Variants in ABHD12B observed in about 807,000 individuals in gnomAD.
The protein encoded by ABHD12B is protein ABHD12B.
Under a neutral mutation model 50.4 loss-of-function variants are expected in ABHD12B, and 42 were observed. That is an observed-to-expected ratio of 0.83 (90% CI 0.65 to 1.08). ABHD12B has a LOEUF of 1.08. Among genes scored for constraint, ABHD12B ranks in the 50% least tolerant of loss-of-function variants. ABHD12B has a pLI of 0.00. For missense variants in ABHD12B, 479 were observed against 447.7 expected, an observed-to-expected ratio of 1.07 and a Z score of -0.63; for synonymous variants, 167 against 160.3, an observed-to-expected ratio of 1.04 and a Z score of -0.32.
At chr14:50,901,287 T>C (rs753681692) in intron 9 of ABHD12B, among the ~76,000 whole-genome samples, 17 of 152,240 alleles carry the variant, frequency 1.1e-4, no homozygotes, top group Non-Finnish European at 4.4e-5. Context: ...AAACAACAAA[T>C]TTAGTATGTC....
At chr14:50,886,135 G>T (rs2050033672) in intron 7 of ABHD12B, among the ~76,000 whole-genome samples, 1 of 152,134 alleles carries the variant, frequency 6.6e-6, no homozygotes, top group Non-Finnish European at 1.5e-5. Context: ...CTTTCTGAGG[G>T]TTTTAAAGGA....
chr14:50,881,239 C>A (rs929033231), intron 4 of ABHD12B, among the ~76,000 whole-genome samples: 1 of 152,098 alleles, frequency 6.6e-6, no homozygotes, highest in African/African-American at 2.4e-5. Flanking sequence ...AAGCTTGGGG[C>A]AGGGGCGATG....
intron 3 of ABHD12B, 130 bp from the exon 4 acceptor site, chr14:50,880,322 T>A: frequency 1.0e-6 from 1 of 980,630 alleles, no homozygotes; most frequent in Non-Finnish European, 1.3e-6. Context: ...TTTTTATTTT[T>A]GCCATGTGCA....
intron 9 of ABHD12B, among the ~76,000 whole-genome samples, chr14:50,895,093 A>C (rs2050178694): frequency 6.7e-6 from 1 of 149,946 alleles, no homozygotes; most frequent in Non-Finnish European, 1.5e-5. Context: ...CTTTTTCATC[A>C]AATATAAAAA....
chr14:50,885,543 G>C, intron 5 of ABHD12B, 71 bp from the exon 6 acceptor site: 1 of 1,560,368 alleles, frequency 6.4e-7, no homozygotes, highest in Non-Finnish European at 8.8e-7. Flanking sequence ...GATATGGATG[G>C]ATATAGGGAG....
chr14:50,887,787 A>C (rs80297422), intron 8 of ABHD12B, among the ~76,000 whole-genome samples: 2,205 of 152,152 alleles, frequency 0.014, 49 homozygotes, highest in African/African-American at 0.05. Flanking sequence ...AGTTCACATT[A>C]CTCCTAGACT....
chr14:50,901,649 T>C (rs1285832847), intron 9 of ABHD12B, among the ~76,000 whole-genome samples, 180 bp from the exon 10 acceptor site: 1 of 152,242 alleles, frequency 6.6e-6, no homozygotes, highest in Non-Finnish European at 1.5e-5. Flanking sequence ...TCTACATTCC[T>C]TTCTTTTTTT....
At chr14:50,899,941 A>G (rs1466772816) in intron 9 of ABHD12B, among the ~76,000 whole-genome samples, 3 of 151,930 alleles carry the variant, frequency 2.0e-5, no homozygotes, top group Non-Finnish European at 2.9e-5. Flanking sequence ...AAAAGAAAAA[A>G]AAAATTTAAA....
intron 10 of ABHD12B, 77 bp from the exon 11 acceptor site, chr14:50,903,312 T>A: frequency 8.5e-7 from 1 of 1,174,376 alleles, no homozygotes; most frequent in Non-Finnish European, 1.2e-6. Flanking sequence ...CATGTTTTGC[T>A]AAAGCTTTAA....
At position 50,904,424 on chromosome 14, in the gene ABHD12B, A is replaced by G. The variant is rs2050305151; in HGVS notation, c.*58A>G. 23 of 1,606,190 alleles carry G rather than the reference A, an allele frequency of 1.4e-5. No individual in the cohort carries two copies. Among genetic ancestry groups the G allele is most frequent in the Non-Finnish European group, 2.0e-5 (23 of 1,174,342 alleles). ...TTGGCCCAAACACCACCTGTGATGT[A>G]TATTGTTCTAATGTAAAATTGTACT... is the stretch of plus-strand genomic sequence containing the variant. On this transcript the variant is annotated 3_prime_UTR_variant, in exon 13 of 13. Coordinates refer to ENST00000337334, the MANE Select transcript of ABHD12B (RefSeq NM_001206673.2).
At chr14:50,875,727 C>T (rs1224736026) in intron 1 of ABHD12B, among the ~76,000 whole-genome samples, 5 of 152,224 alleles carry the variant, frequency 3.3e-5, no homozygotes, top group Admixed American at 6.5e-5. Context: ...AGCTGCTTTG[C>T]ATTATTGATG....
Position 50,872,289 on chromosome 14 carries a change from C to T in ABHD12B, c.104+11C>T. ...CGACCGCAACCTGCGGTGAGTACCG[C>T]CCGGTCCACCCCTGGCCGGGCCCCG... is the stretch of plus-strand genomic sequence containing the variant. On this transcript the variant is annotated intron_variant, in intron 1 of 12. Transcript: ENST00000337334. 1.5e-6 allele frequency: 2 copies of T among 1,296,396 alleles called. No homozygotes were observed. Among genetic ancestry groups the T allele is most frequent in the South Asian group, 4.5e-5 (2 of 44,102 alleles). 80.3% of individuals were successfully genotyped at this position (1,296,396 alleles called of 1,614,324 possible).
intron 8 of ABHD12B, 135 bp downstream of exon 8, chr14:50,886,819 A>G: frequency 1.4e-6 from 1 of 690,510 alleles, no homozygotes; most frequent in Non-Finnish European, 2.4e-6. Context: ...CTGGCAGTGC[A>G]ACAGGCTTTC....
intron 9 of ABHD12B, among the ~76,000 whole-genome samples, chr14:50,889,273 G>A (rs1348754328): frequency 6.6e-6 from 1 of 152,194 alleles, no homozygotes; most frequent in East Asian, 1.9e-4. Context: ...TCGTAAGAAA[G>A]TTTCTAGAGA....
At chr14:50,874,543 T>A (rs775089018) in intron 1 of ABHD12B, among the ~76,000 whole-genome samples, 2 of 151,076 alleles carry the variant, frequency 1.3e-5, no homozygotes, top group Non-Finnish European at 2.9e-5. Context: ...GAGGTTGGAG[T>A]GAGCCGAGAT....
At chr14:50,904,288 C>T (rs780247895) in intron 12 of ABHD12B, 51 bp from the exon 13 acceptor site, 6 of 1,613,770 alleles carry the variant, frequency 3.7e-6, no homozygotes, top group Non-Finnish European at 5.1e-6. Flanking sequence ...TAATATTTTG[C>T]TTATTTAGGT....
chr14:50,879,891 C>T (rs918726144), intron 3 of ABHD12B, among the ~76,000 whole-genome samples: 9 of 152,254 alleles, frequency 5.9e-5, no homozygotes, highest in Non-Finnish European at 1.3e-4. Flanking sequence ...CTCCACATCC[C>T]ATGGTGACAT....
intron 1 of ABHD12B, among the ~76,000 whole-genome samples, chr14:50,876,715 C>T (rs1203833359): frequency 2.0e-5 from 3 of 152,200 alleles, no homozygotes; most frequent in Non-Finnish European, 4.4e-5. Flanking sequence ...GGAAAGATTA[C>T]TTAACTTTCC....
intron 9 of ABHD12B, among the ~76,000 whole-genome samples, chr14:50,899,792 C>T (rs1277996677): frequency 2.0e-5 from 3 of 151,998 alleles, no homozygotes; most frequent in African/African-American, 7.2e-5. Flanking sequence ...CGTGGTGATG[C>T]ATGCCTGTAG....
Sources: gnomAD v4.1 joint callset for allele counts (sites outside exome capture counted in the v4.1 genomes callset) on GRCh38, gnomAD v4.1.1 for gene constraint, MANE v1.5 for transcripts, NCBI Gene and HGNC (gene_info 2026-07-23, HGNC 2026-07-21) for gene names.